The following ASTN1 variants were observed in gnomAD, a reference collection of about 807,000 sequenced individuals.
The protein encoded by ASTN1 is astrotactin-1.
ASTN1 carries 41 observed loss-of-function variants against 140.7 expected under a neutral mutation model. The ratio of observed to expected loss-of-function variants is 0.29; its 90% CI spans 0.23 to 0.38. The LOEUF (loss-of-function observed/expected upper bound fraction) is 0.38. Among genes scored for constraint, ASTN1 ranks in the 10% least tolerant of loss-of-function variants. The pLI, the probability that ASTN1 is intolerant of heterozygous loss-of-function variation, is 1.00. For missense variants in ASTN1, 1,479 were observed against 1,678.8 expected (o/e 0.88, Z 2.08); for synonymous variants, 640 against 652.2 (o/e 0.98, Z 0.29).
intron 16 of ASTN1, among the ~76,000 whole-genome samples, chr1:176,928,427 A>C (rs1402057476): frequency 6.6e-6 from 1 of 152,254 alleles, no homozygotes; most frequent in Non-Finnish European, 1.5e-5. Context: ...ATTATGGAAG[A>C]CAGTTATGCA....
chr1:177,075,086 T>A (rs909506350), intron 1 of ASTN1, among the ~76,000 whole-genome samples: 1 of 152,182 alleles, frequency 6.6e-6, no homozygotes, highest in East Asian at 1.9e-4. Flanking sequence ...TGCTTTTTTT[T>A]ATTTTGAGAT....
chr1:177,108,374 A>G lies in ASTN1; in HGVS notation c.284-47109T>C, dbSNP rs1317322858. 3.3e-5 allele frequency among the ~76,000 whole-genome samples: 5 copies of G among 151,820 alleles called. No homozygotes were observed. The East Asian group carries it at 9.7e-4, about 29-fold the overall frequency. On this transcript the variant is annotated intron_variant, in intron 1 of 22. Transcript: ENST00000361833. ...AAAAAAAAAAAAAAAAAAGAAAAGA[A>G]AAAAAGAAATTCTAATTCTCTGAAG...
intron 16 of ASTN1, among the ~76,000 whole-genome samples, chr1:176,931,621 TC>T (rs1373396664): frequency 1.2e-4 from 19 of 152,162 alleles, no homozygotes; most frequent in Non-Finnish European, 2.2e-4. Context: ...CTTCTGAAGA[TC>T]TGGCCCAAAA....
chr1:176,978,888 G>A (rs951931108), intron 8 of ASTN1, among the ~76,000 whole-genome samples: 10 of 152,104 alleles, frequency 6.6e-5, no homozygotes, highest in Non-Finnish European at 1.5e-4. Flanking sequence ...CAGAGAGGCT[G>A]AATTGCCAAA....
At chr1:177,090,830 T>C (rs535602105) in intron 1 of ASTN1, among the ~76,000 whole-genome samples, 1 of 152,222 alleles carries the variant, frequency 6.6e-6, no homozygotes, top group East Asian at 1.9e-4. Context: ...GGCTCCCACA[T>C]TTTTTTCTCA....
intron 7 of ASTN1, among the ~76,000 whole-genome samples, chr1:177,017,172 G>A (rs1172836777): frequency 6.6e-6 from 1 of 152,198 alleles, no homozygotes; most frequent in Non-Finnish European, 1.5e-5. Context: ...TGCCTTCGTA[G>A]TCATTATCTC....
At chr1:176,951,308 C>T (rs981695386) in intron 11 of ASTN1, among the ~76,000 whole-genome samples, 4 of 152,226 alleles carry the variant, frequency 2.6e-5, no homozygotes, top group African/African-American at 9.6e-5. Flanking sequence ...AGCTGTTAGG[C>T]CAGATGTGCC....
chr1:176,924,319 CT>C (rs1670862380), intron 16 of ASTN1, among the ~76,000 whole-genome samples: 1 of 152,120 alleles, frequency 6.6e-6, no homozygotes, highest in Admixed American at 6.5e-5. Context: ...GCTATTTCAT[CT>C]GCCTGGATTG....
At chr1:177,112,166 T>G (rs1246206912) in intron 1 of ASTN1, among the ~76,000 whole-genome samples, 1 of 152,236 alleles carries the variant, frequency 6.6e-6, no homozygotes, top group Non-Finnish European at 1.5e-5. Flanking sequence ...GAAACCAACT[T>G]CATAGCAAAT....
At chr1:176,973,730 C>T (rs929497742) in intron 8 of ASTN1, among the ~76,000 whole-genome samples, 41 of 152,282 alleles carry the variant, frequency 2.7e-4, no homozygotes, top group Admixed American at 2.7e-3. Context: ...AGATGCAAAG[C>T]TTTCACCACC....
chr1:177,072,261 A>G (rs1043703444), intron 1 of ASTN1, among the ~76,000 whole-genome samples: 1 of 152,230 alleles, frequency 6.6e-6, no homozygotes, highest in African/African-American at 2.4e-5. Context: ...TATAGATCCA[A>G]GACTGAAATT....
At chr1:177,008,925 C>T (rs552572319) in intron 8 of ASTN1, among the ~76,000 whole-genome samples, 16 of 152,172 alleles carry the variant, frequency 1.1e-4, no homozygotes, top group East Asian at 1.9e-4. Flanking sequence ...TGAAGGTGAA[C>T]GGGACAGCAG....
intron 16 of ASTN1, among the ~76,000 whole-genome samples, chr1:176,904,645 G>A (rs1020108937): frequency 6.6e-6 from 1 of 152,148 alleles, no homozygotes; most frequent in Non-Finnish European, 1.5e-5. Flanking sequence ...CTTCCTCCGC[G>A]CCCCCAGCCT....
At chr1:177,058,872 A>T (rs1242918096) in intron 2 of ASTN1, among the ~76,000 whole-genome samples, 1 of 151,494 alleles carries the variant, frequency 6.6e-6, no homozygotes, top group Non-Finnish European at 1.5e-5. Flanking sequence ...TAGAAAACTT[A>T]TTGAGCACCT....
intron 18 of ASTN1, among the ~76,000 whole-genome samples, chr1:176,887,543 C>T (rs1571459876): frequency 6.6e-6 from 1 of 152,342 alleles, no homozygotes; most frequent in East Asian, 1.9e-4. Context: ...ACCAATTCTG[C>T]TTCCTGCTCT....
Position 176,921,097 on chromosome 1 carries a change from G to C in ASTN1, c.2671+13055C>G, listed in dbSNP as rs566485061. On this transcript the variant is annotated intron_variant, in intron 16 of 22. Coordinates refer to ENST00000361833, the MANE Select transcript of ASTN1 (RefSeq NM_004319.3). ...TAGCGTTAATCACCTTCATTTCGTA[G>C]AGTAGATGGCCATTAGGGCCACATT... 5.3e-5 allele frequency among the ~76,000 whole-genome samples: 8 copies of C among 152,298 alleles called. No individual in the cohort carries two copies. In the South Asian group the frequency reaches 1.7e-3, roughly 32 times the overall value.
intron 1 of ASTN1, among the ~76,000 whole-genome samples, chr1:177,078,780 T>C (rs781035298): frequency 6.6e-6 from 1 of 152,186 alleles, no homozygotes; most frequent in Non-Finnish European, 1.5e-5. Flanking sequence ...AGGACATACA[T>C]TCTTTTTTAT....
chr1:177,091,889 T>C (rs905159506), intron 1 of ASTN1, among the ~76,000 whole-genome samples: 10 of 152,326 alleles, frequency 6.6e-5, no homozygotes, highest in African/African-American at 9.6e-5. Flanking sequence ...CAAATAATAA[T>C]ACATTGTGTT....
Position 176,949,056 on chromosome 1 carries a change from GCT to G in ASTN1, c.2054+127_2054+128del, listed in dbSNP as rs1055013148. On this transcript the variant is annotated intron_variant, in intron 12 of 22. Coordinates refer to ENST00000361833, the MANE Select transcript of ASTN1 (RefSeq NM_004319.3). ...AAATGTTCCCCCCCAAGTCCTAGAG[GCT>G]CTTTCCTCAGAGACTAAGGGATGGC... 3.3e-5 allele frequency: 43 copies of G among 1,311,854 alleles called. No individual in the cohort carries two copies. The African/African-American group carries it at 5.9e-4, about 18-fold the overall frequency. 81.3% of individuals were successfully genotyped at this position (1,311,854 alleles called of 1,614,324 possible).
Sources: allele counts gnomAD v4.1 joint callset (sites outside exome capture counted in the v4.1 genomes callset), GRCh38; gene constraint gnomAD v4.1.1; transcripts MANE v1.5; gene names NCBI Gene and HGNC (gene_info 2026-07-23, HGNC 2026-07-21).